The following RHEX variants were observed in gnomAD, a reference collection of about 807,000 sequenced individuals.
RHEX encodes regulator of hemoglobinization and erythroid cell expansion protein.
RHEX carries 18 observed loss-of-function variants against 20.1 expected under a neutral mutation model. The ratio of observed to expected loss-of-function variants is 0.90; its 90% CI spans 0.62 to 1.33. The LOEUF is 1.33. Ranked by LOEUF, RHEX falls within the 40% of genes most tolerant of loss-of-function variation. RHEX has a pLI of 0.00. For missense variants in RHEX, 192 were observed against 214.3 expected (o/e 0.90, Z 0.65); for synonymous variants, 87 against 77.1 (o/e 1.13, Z -0.67).
chr1:206,074,796 C>T (rs1242827567), intron 1 of RHEX, among the ~76,000 whole-genome samples: 1 of 152,198 alleles, frequency 6.6e-6, no homozygotes, highest in Non-Finnish European at 1.5e-5. Context: ...TGACAGGTCT[C>T]AGTCAAAATG....
chr1:206,079,300 A>G (rs72752944), intron 1 of RHEX, among the ~76,000 whole-genome samples: 179 of 152,356 alleles, frequency 1.2e-3, no homozygotes, highest in Non-Finnish European at 2.1e-3. Context: ...AGATACACTC[A>G]AATGCTGCTA....
intron 1 of RHEX, among the ~76,000 whole-genome samples, chr1:206,080,675 G>A (rs1397606630): frequency 6.6e-6 from 1 of 152,178 alleles, no homozygotes; most frequent in Non-Finnish European, 1.5e-5. Flanking sequence ...CGGGGCAGGA[G>A]TCTGTCAGCT....
At chr1:206,094,278 T>C (rs954981163) in intron 1 of RHEX, among the ~76,000 whole-genome samples, 1 of 152,064 alleles carries the variant, frequency 6.6e-6, no homozygotes, top group Admixed American at 6.5e-5. Flanking sequence ...AGGAACAACC[T>C]GCTCATTGTG....
chr1:206,091,561 G>C (rs1230225310), intron 1 of RHEX, among the ~76,000 whole-genome samples: 1 of 152,088 alleles, frequency 6.6e-6, no homozygotes, highest in Non-Finnish European at 1.5e-5. Context: ...TTAAAAATTT[G>C]CCCTATCAAT....
At chr1:206,055,193 G>A (rs1178997570) in intron 1 of RHEX, among the ~76,000 whole-genome samples, 1 of 152,284 alleles carries the variant, frequency 6.6e-6, no homozygotes, top group Non-Finnish European at 1.5e-5. Flanking sequence ...CTGCGGGTCA[G>A]CCCCTGAGGG....
intron 1 of RHEX, among the ~76,000 whole-genome samples, chr1:206,083,905 G>T (rs1272974891): frequency 1.3e-5 from 2 of 152,166 alleles, no homozygotes; most frequent in African/African-American, 4.8e-5. Context: ...AAGGTACATG[G>T]ATTTTGGGTC....
intron 1 of RHEX, among the ~76,000 whole-genome samples, chr1:206,064,790 T>C (rs1306905130): frequency 2.6e-5 from 4 of 152,030 alleles, no homozygotes; most frequent in African/African-American, 9.7e-5. Flanking sequence ...CAGCAGCTCA[T>C]TGAGAACGGG....
At chr1:206,071,276 G>C (rs1242845288) in intron 1 of RHEX, among the ~76,000 whole-genome samples, 1 of 152,130 alleles carries the variant, frequency 6.6e-6, no homozygotes, top group African/African-American at 2.4e-5. Context: ...GGAAGACTCA[G>C]GCCAGTCTAG....
At chr1:206,090,814 AT>A (rs1237629720) in intron 1 of RHEX, among the ~76,000 whole-genome samples, 1 of 151,956 alleles carries the variant, frequency 6.6e-6, no homozygotes, top group African/African-American at 2.4e-5. Context: ...ATCTCATGGT[AT>A]TTTTCCCCAT....
chr1:206,080,950 A>G (rs903314601), intron 1 of RHEX, among the ~76,000 whole-genome samples: 9 of 152,038 alleles, frequency 5.9e-5, no homozygotes, highest in African/African-American at 2.2e-4. Flanking sequence ...CTACAGGCGC[A>G]TGCCACCACA....
At chr1:206,053,580 A>C (rs972542196) in intron 1 of RHEX, among the ~76,000 whole-genome samples, 1 of 152,178 alleles carries the variant, frequency 6.6e-6, no homozygotes, top group Non-Finnish European at 1.5e-5. Context: ...AGCCCACCCC[A>C]CTAGGAACTA....
At chr1:206,062,667 T>G (rs1553283458) in intron 1 of RHEX, among the ~76,000 whole-genome samples, 1 of 152,098 alleles carries the variant, frequency 6.6e-6, no homozygotes, top group East Asian at 1.9e-4. Context: ...GGGAAGTGCT[T>G]CTTACTGAGG....
chr1:206,063,723 G>C (rs1398072216), intron 1 of RHEX, among the ~76,000 whole-genome samples: 3 of 152,246 alleles, frequency 2.0e-5, no homozygotes, highest in Admixed American at 2.0e-4. Flanking sequence ...GAGTGCAGTG[G>C]CGTGATCTCG....
intron 1 of RHEX, among the ~76,000 whole-genome samples, chr1:206,095,828 T>A (rs1663055638): frequency 6.7e-6 from 1 of 149,022 alleles, no homozygotes; most frequent in African/African-American, 2.6e-5. Context: ...AAAAAAAGAT[T>A]TGGGGTAATT....
At chr1:206,094,912 A>G (rs1225560748) in intron 1 of RHEX, among the ~76,000 whole-genome samples, 1 of 152,228 alleles carries the variant, frequency 6.6e-6, no homozygotes, top group Non-Finnish European at 1.5e-5. Context: ...TAATCTTAAA[A>G]TAATGGAACA....
chr1:206,074,153 C>G (rs563861895), intron 1 of RHEX, among the ~76,000 whole-genome samples: 27 of 152,188 alleles, frequency 1.8e-4, no homozygotes, highest in Non-Finnish European at 3.2e-4. Context: ...AGAGTTGGGA[C>G]CTTCTCTGAC....
At chr1:206,054,058 T>C (rs1553282186) in intron 1 of RHEX, among the ~76,000 whole-genome samples, 1 of 151,584 alleles carries the variant, frequency 6.6e-6, no homozygotes, top group Non-Finnish European at 1.5e-5. Flanking sequence ...TCTTGTGGCC[T>C]TAGACAGTCT....
intron 1 of RHEX, among the ~76,000 whole-genome samples, chr1:206,082,368 A>G (rs1662755557): frequency 6.6e-6 from 1 of 152,066 alleles, no homozygotes. Flanking sequence ...AAATACAAAA[A>G]TTAGCCAGGT....
At position 206,097,823 on chromosome 1, in the gene RHEX, C is replaced by T; in HGVS notation, c.-6C>T. The T allele has an allele frequency of 6.2e-7, 1 of 1,611,592 alleles. No individual in the cohort carries two copies. Among genetic ancestry groups the T allele is most frequent in the South Asian group, 1.1e-5 (1 of 91,032 alleles). ...TGAGCCCCAACTTATCAGCAAGGAG[C>T]TCATCATGCTGACAGAGTGAGTGGG... On this transcript the variant is annotated 5_prime_UTR_variant, in exon 2 of 6. Transcript: ENST00000331555.
Sources: gnomAD v4.1 joint callset for allele counts (sites outside exome capture counted in the v4.1 genomes callset) on GRCh38, gnomAD v4.1.1 for gene constraint, MANE v1.5 for transcripts, NCBI Gene and HGNC (gene_info 2026-07-23, HGNC 2026-07-21) for gene names.